TJP1: variants seen among roughly 807,000 people sequenced by gnomAD.
TJP1 encodes tight junction protein 1, also known as tight junction protein ZO-1.
Under a neutral mutation model 194.2 loss-of-function variants are expected in TJP1, and 43 were observed. The ratio of observed to expected loss-of-function variants is 0.22; its 90% CI spans 0.17 to 0.29. The LOEUF is 0.29. Ranked by LOEUF, TJP1 falls within the 10% of genes least tolerant of loss-of-function variation. The probability of loss-of-function intolerance (pLI) is 1.00; values close to 1 mark genes in which losing one functional copy is unlikely to be tolerated. For synonymous variants in TJP1, 801 were observed against 779.0 expected, an observed-to-expected ratio of 1.03 and a Z score of -0.47; for missense variants, 1,971 against 2,185.7, an observed-to-expected ratio of 0.90 and a Z score of 1.96.
Position 29,720,616 on chromosome 15 carries a change from C to T in TJP1, c.2505G>A (p.Thr835=), listed in dbSNP as rs766925783. 3.1e-6 allele frequency: 5 copies of T among 1,614,092 alleles called. No individual in the cohort carries two copies. Among genetic ancestry groups the T allele is most frequent in the African/African-American group, 2.7e-5 (2 of 75,002 alleles). The change falls in exon 19 of 28, where the codon ACG becomes ACA. Residue 835 remains threonine, a synonymous_variant. Transcript: ENST00000614355. ...CATAGTCAGAAGTGTGTCTACTGTCCGTGCTATACATTGAGTATTCACTAC... is the reference window on the plus strand; with the variant it reads ...CATAGTCAGAAGTGTGTCTACTGTCTGTGCTATACATTGAGTATTCACTAC... ...APGSEYSMYS[T]DSRHTSDYED... is the part of the protein sequence containing the mutation.
intron 8 of TJP1, among the ~76,000 whole-genome samples, chr15:29,750,319 A>G (rs1332926249): frequency 6.6e-6 from 1 of 151,956 alleles, no homozygotes; most frequent in Non-Finnish European, 1.5e-5. Context: ...TTTGTATTTT[A>G]GTAGAGACAG....
At chr15:29,731,988 G>T (rs1324986176) in intron 15 of TJP1, 1 of 167,498 alleles carries the variant, frequency 6.0e-6, no homozygotes, top group Non-Finnish European at 1.3e-5. Flanking sequence ...TCAGTTTAAT[G>T]ACTAAAAGAG....
intron 2 of TJP1, among the ~76,000 whole-genome samples, chr15:29,848,729 T>C (rs1004710633): frequency 2.6e-5 from 4 of 152,032 alleles, no homozygotes; most frequent in African/African-American, 9.7e-5. Context: ...CATGGTGGCA[T>C]GTGCCTGTAG....
intron 2 of TJP1, among the ~76,000 whole-genome samples, chr15:29,871,220 A>G (rs1386424243): frequency 6.6e-6 from 1 of 152,250 alleles, no homozygotes; most frequent in Non-Finnish European, 1.5e-5. Flanking sequence ...CAGTCCTAAA[A>G]ACGTATGCAA....
At chr15:29,839,099 C>T (rs757088479) in intron 2 of TJP1, among the ~76,000 whole-genome samples, 6 of 146,034 alleles carry the variant, frequency 4.1e-5, no homozygotes, top group East Asian at 2.2e-4. Flanking sequence ...CCCGGGTTCA[C>T]GCCATTCTCC....
intron 2 of TJP1, among the ~76,000 whole-genome samples, chr15:29,797,341 G>C (rs961069020): frequency 6.6e-6 from 1 of 152,080 alleles, no homozygotes; most frequent in South Asian, 2.1e-4. Context: ...GTAGAGACAG[G>C]CTTTCACCAT....
chr15:29,871,623 G>T (rs932971853), intron 2 of TJP1, among the ~76,000 whole-genome samples: 6 of 152,230 alleles, frequency 3.9e-5, no homozygotes, highest in Non-Finnish European at 8.8e-5. Flanking sequence ...CAGCTGGCCC[G>T]GCCACCCAGC....
intron 1 of TJP1, among the ~76,000 whole-genome samples, chr15:29,961,334 CTTTTTTTTT>C (rs5811594): frequency 4.6e-4 from 41 of 89,838 alleles, no homozygotes; most frequent in Non-Finnish European, 6.4e-4. Flanking sequence ...TTTCCTAATT[CTTTTTTTTT>C]TTTTTTTTTT....
intron 17 of TJP1, 97 bp downstream of exon 17, chr15:29,726,684 C>T: frequency 7.8e-7 from 1 of 1,280,184 alleles, no homozygotes; most frequent in Non-Finnish European, 1.1e-6. Context: ...AAGAAAGTAT[C>T]ATGTAAGTTT....
At position 29,734,989 on chromosome 15, in the gene TJP1, G is replaced by GA. The variant is rs535727811; in HGVS notation, c.1408-608dup. Among the ~76,000 whole-genome samples, 90 of 151,756 alleles carry GA rather than the reference G, an allele frequency of 5.9e-4. No homozygotes were observed. The Middle Eastern group carries it at 0.017, about 29-fold the overall frequency. ...AAGGTAACTTTTTACAAGTTGCTGA[G>GA]AAAAAAAATCAAAAGAAAATGGGAC... On this transcript the variant is annotated intron_variant, in intron 11 of 27. Transcript: ENST00000614355.
At chr15:29,770,588 T>G (rs1049147410) in intron 4 of TJP1, among the ~76,000 whole-genome samples, 1 of 148,452 alleles carries the variant, frequency 6.7e-6, no homozygotes, top group African/African-American at 2.5e-5. Context: ...GGCGGGTGCC[T>G]GTAGTCCCAG....
In TJP1 at chr15:29,834,212, G is replaced by A. The variant is rs536711655; in HGVS notation, c.307-33510C>T. 8.9e-5 allele frequency among the ~76,000 whole-genome samples: 13 copies of A among 146,612 alleles called. No individual in the cohort carries two copies. In the South Asian group the frequency reaches 2.8e-3, roughly 32 times the overall value. On this transcript the variant is annotated intron_variant, in intron 2 of 28. Transcript: ENST00000356107. ...ATATTTTTTAAAGCTTAAGAATCTT[G>A]TGAGTAAATAGGGATTTTTTTTTTT... is the stretch of plus-strand genomic sequence containing the variant.
chr15:29,888,105 A>G (rs1034292829), intron 2 of TJP1, among the ~76,000 whole-genome samples: 2 of 152,220 alleles, frequency 1.3e-5, no homozygotes, highest in Non-Finnish European at 2.9e-5. Context: ...AGAGTGTATA[A>G]TAGTATTTCA....
chr15:29,821,720 A>T (rs944376553), intron 1 of TJP1, among the ~76,000 whole-genome samples: 1 of 151,926 alleles, frequency 6.6e-6, no homozygotes, highest in Non-Finnish European at 1.5e-5. Context: ...AGCGAGCCGC[A>T]GCCAGGCACA....
At chr15:29,929,243 T>A (rs2054623359) in intron 2 of TJP1, among the ~76,000 whole-genome samples, 1 of 152,112 alleles carries the variant, frequency 6.6e-6, no homozygotes, top group Non-Finnish European at 1.5e-5. Context: ...AGGTCAGAGA[T>A]GAAACCATAA....
intron 2 of TJP1, among the ~76,000 whole-genome samples, chr15:29,795,502 T>C (rs184663850): frequency 1.6e-4 from 24 of 151,360 alleles, no homozygotes; most frequent in Admixed American, 1.4e-3. Context: ...AATATTCCTA[T>C]ATAAAATTAA....
intron 15 of TJP1, chr15:29,728,250 AG>A: frequency 2.3e-6 from 1 of 437,130 alleles, no homozygotes; most frequent in Non-Finnish European, 4.1e-6. Context: ...CCATTAAAGA[AG>A]AAAAAATATA....
At position 29,950,093 on chromosome 15, in the gene TJP1, ACCAC is replaced by A. The variant is rs2055643017; in HGVS notation, c.306+6135_306+6138del. ...CACCTCCACCACCACCATCTTCACC[ACCAC>A]CTCCACCACCACCACCTCCACAACC... On this transcript the variant is annotated intron_variant, in intron 2 of 28. Transcript: ENST00000356107. 1.7e-4 allele frequency among the ~76,000 whole-genome samples: 4 copies of A among 22,904 alleles called. 2 individuals are homozygous for A. The highest frequency in any genetic ancestry group is 4.1e-3 in the South Asian group (2 of 486). The allele number at this position is 22,904 out of a possible 152,430, so 15.0% of individuals were successfully genotyped here.
chr15:29,923,416 T>C (rs896585879), intron 2 of TJP1, among the ~76,000 whole-genome samples: 2 of 152,196 alleles, frequency 1.3e-5, no homozygotes, highest in Non-Finnish European at 2.9e-5. Flanking sequence ...CTCAATTCCC[T>C]TTCTCTAACC....
Sources: gnomAD v4.1 joint callset for allele counts (sites outside exome capture counted in the v4.1 genomes callset) on GRCh38, gnomAD v4.1.1 for gene constraint, MANE v1.5 for transcripts, NCBI Gene and HGNC (gene_info 2026-07-23, HGNC 2026-07-21) for gene names.